Variants in ACACB observed in about 807,000 individuals in gnomAD.
ACACB encodes acetyl-CoA carboxylase beta, also known as acetyl-CoA carboxylase 2.
Under a neutral mutation model 278.8 loss-of-function variants are expected in ACACB, and 209 were observed. The ratio of observed to expected loss-of-function variants is 0.75; its 90% confidence interval spans 0.67 to 0.84. ACACB has a LOEUF of 0.84. ACACB is among the 40% of genes least tolerant of loss of function. The probability of loss-of-function intolerance (pLI) is 0.00; values close to 1 mark genes in which losing one functional copy is unlikely to be tolerated. For missense variants in ACACB, 2,850 were observed against 3,269.0 expected (o/e 0.87, Z 3.13); for synonymous variants, 1,174 against 1,285.6 (o/e 0.91, Z 1.86).
intron 49 of ACACB, among the ~76,000 whole-genome samples, 175 bp downstream of exon 49, chr12:109,262,644 T>C (rs1205626288): frequency 6.6e-6 from 1 of 152,110 alleles, no homozygotes; most frequent in Non-Finnish European, 1.5e-5. Context: ...TTTGTTTTTT[T>C]GAGGTCTGGC....
At chr12:109,133,420 G>A (rs1017002975) in intron 1 of ACACB, among the ~76,000 whole-genome samples, 2 of 151,904 alleles carry the variant, frequency 1.3e-5, no homozygotes, top group African/African-American at 2.4e-5. Flanking sequence ...TTGTGGAGAC[G>A]GGGTTTCGCC....
intron 1 of ACACB, among the ~76,000 whole-genome samples, chr12:109,132,361 C>T (rs1047085280): frequency 1.3e-5 from 2 of 152,066 alleles, no homozygotes; most frequent in Non-Finnish European, 2.9e-5. Context: ...AATGAGGTTT[C>T]ACCTTGTTGG....
intron 33 of ACACB, chr12:109,236,513 T>C (rs1275057858): frequency 6.6e-6 from 1 of 152,598 alleles, no homozygotes; most frequent in Non-Finnish European, 1.5e-5. Context: ...TACTCTGGCT[T>C]TCACTCTAAC....
chr12:109,146,550 A>G (rs741402), intron 2 of ACACB, among the ~76,000 whole-genome samples: 69,893 of 151,972 alleles, frequency 0.46, 17,685 homozygotes, highest in Middle Eastern at 0.69. Context: ...CTCTGAACTG[A>G]AACACTCTCT....
chr12:109,210,858 G>A (rs1322746458), intron 21 of ACACB, among the ~76,000 whole-genome samples: 1 of 149,912 alleles, frequency 6.7e-6, no homozygotes, highest in Non-Finnish European at 1.5e-5. Flanking sequence ...AGGTTGCAGT[G>A]AGCCGAGATC....
chr12:109,202,616 C>T (rs1051288786), intron 19 of ACACB, among the ~76,000 whole-genome samples: 6 of 152,052 alleles, frequency 3.9e-5, no homozygotes. Flanking sequence ...CACCTGGCCT[C>T]AATTAATTAC....
intron 1 of ACACB, among the ~76,000 whole-genome samples, chr12:109,130,085 T>C (rs1418201606): frequency 6.6e-6 from 1 of 152,120 alleles, no homozygotes; most frequent in Non-Finnish European, 1.5e-5. Flanking sequence ...GGTGATTTGT[T>C]CAAGATCACA....
intron 11 of ACACB, among the ~76,000 whole-genome samples, chr12:109,181,840 CTTT>C (rs34174568): frequency 1.7e-4 from 14 of 81,550 alleles, no homozygotes; most frequent in Non-Finnish European, 3.0e-4. Flanking sequence ...TTTTCCTTTC[CTTT>C]TTTTTTTTTT....
intron 49 of ACACB, chr12:109,262,950 T>TTTTTTATATATATA: frequency 1.6e-5 from 1 of 62,470 alleles, no homozygotes; most frequent in Non-Finnish European, 3.9e-5. Flanking sequence ...CTTTTTAACA[T>TTTTTTATATATATA]TATATATATA....
At position 109,217,154 on chromosome 12, in the gene ACACB, T is replaced by C. The variant is rs1353735498; in HGVS notation, c.3564+234T>C. ...AAAATTAGCTGGCCATGGTGGTGCATACCTGTAATCCCAGCTACTTGGGAG... is the reference window on the plus strand; with the variant it reads ...AAAATTAGCTGGCCATGGTGGTGCACACCTGTAATCCCAGCTACTTGGGAG... On this transcript the variant is annotated intron_variant, in intron 24 of 52. Transcript: ENST00000338432. Among the ~76,000 whole-genome samples, 7 of 152,116 alleles carry C rather than the reference T, an allele frequency of 4.6e-5. 1 individual carries two copies. Among genetic ancestry groups the C allele is most frequent in the Non-Finnish European group, 1.0e-4 (7 of 68,014 alleles).
intron 1 of ACACB, among the ~76,000 whole-genome samples, chr12:109,127,356 G>A (rs2042705389): frequency 6.6e-6 from 1 of 151,942 alleles, no homozygotes; most frequent in African/African-American, 2.4e-5. Flanking sequence ...TTAATTATTA[G>A]GACAAAGCTC....
rs1242512357 is a variant in ACACB, at chr12:109,254,369, TC to T, written c.6166+36del. On this transcript the variant is annotated intron_variant, in intron 44 of 52. Transcript: ENST00000338432. ...AAAGTATTTTGCCTAGGACCTGGTC[TC>T]GGGTTTCTTTCTAGGGCTTGAGACA... 6 of 1,575,798 alleles carry T rather than the reference TC, an allele frequency of 3.8e-6. No individual in the cohort carries two copies. The South Asian group carries it at 6.9e-5, about 18-fold the overall frequency.
At chr12:109,142,545 ATC>A (rs1299159763) in intron 2 of ACACB, among the ~76,000 whole-genome samples, 2 of 151,770 alleles carry the variant, frequency 1.3e-5, no homozygotes, top group Non-Finnish European at 2.9e-5. Context: ...GGCGAAAACT[ATC>A]TCTCTCTTTC....
At chr12:109,117,595 C>A (rs1593341083) in intron 1 of ACACB, among the ~76,000 whole-genome samples, 1 of 152,152 alleles carries the variant, frequency 6.6e-6, no homozygotes, top group Non-Finnish European at 1.5e-5. Context: ...TTGGTATAAA[C>A]CCCCCAGACC....
chr12:109,264,552 G>C (rs1331372922), intron 50 of ACACB, among the ~76,000 whole-genome samples, 166 bp downstream of exon 50: 1 of 152,166 alleles, frequency 6.6e-6, no homozygotes, highest in Admixed American at 6.5e-5. Flanking sequence ...CGATCCCCAG[G>C]TGGCACTGCA....
chr12:109,243,879 A>T (rs59778012), intron 37 of ACACB, among the ~76,000 whole-genome samples: 1 of 146,504 alleles, frequency 6.8e-6, no homozygotes, highest in South Asian at 2.1e-4. Flanking sequence ...GAATGACATT[A>T]TATATATATA....
chr12:109,264,335 C>T lies in ACACB; in HGVS notation c.6891C>T (p.Phe2297=), dbSNP rs142105388. The part of the protein sequence containing the change: ...LPIYHQVAVQ[F]ADFHDTPGRM... ...TCTACCACCAGGTGGCGGTGCAGTT[C>T]GCCGACTTCCATGACACACCCGGCC... Residue 2297 remains phenylalanine (F), a synonymous_variant, in exon 50 of 53, where the codon TTC becomes TTT. Coordinates refer to ENST00000338432, the MANE Select transcript of ACACB (RefSeq NM_001093.4). The T allele has an allele frequency of 4.0e-4, 642 of 1,614,072 alleles. 4 individuals carry two copies. In the African/African-American group the frequency reaches 6.1e-3, roughly 15 times the overall value.
intron 50 of ACACB, among the ~76,000 whole-genome samples, chr12:109,264,806 T>G (rs2047471455): frequency 6.6e-6 from 1 of 152,160 alleles, no homozygotes. Context: ...TGCTGCATTG[T>G]TCTCCCTCCC....
rs141470828 is a variant in ACACB, at chr12:109,229,277, C to A, written c.4001+1788C>A. Among the ~76,000 whole-genome samples the A allele has an allele frequency of 6.1e-4, 93 of 152,216 alleles. 1 individual carries two copies. The East Asian group carries it at 0.016, about 26-fold the overall frequency. ...ATTTTATTCAGCTCTTATCCTCTAT[C>A]GGCCAAAAATGTGTTCTCATCCTCG... On this transcript the variant is annotated intron_variant, in intron 28 of 52. Transcript: ENST00000338432.
Sources: allele counts gnomAD v4.1 joint callset (sites outside exome capture counted in the v4.1 genomes callset), GRCh38; gene constraint gnomAD v4.1.1; transcripts MANE v1.5; gene names NCBI Gene and HGNC (gene_info 2026-07-23, HGNC 2026-07-21).